CALB2: variants seen among roughly 807,000 people sequenced by gnomAD.
The protein encoded by CALB2 is calretinin.
In CALB2, 34 loss-of-function variants were observed where a neutral mutation model predicts 45.9. The ratio of observed to expected loss-of-function variants is 0.74; its 90% confidence interval spans 0.56 to 0.99. The LOEUF (loss-of-function observed/expected upper bound fraction) is 0.99. Among genes scored for constraint, CALB2 ranks in the 50% least tolerant of loss-of-function variants. The pLI is 0.00. For missense variants in CALB2, 344 were observed against 339.3 expected, an observed-to-expected ratio of 1.01 and a Z score of -0.11; for synonymous variants, 142 against 129.6, an observed-to-expected ratio of 1.10 and a Z score of -0.65.
At chr16:71,367,583 C>G (rs1055717640) in intron 1 of CALB2, among the ~76,000 whole-genome samples, 23 of 152,132 alleles carry the variant, frequency 1.5e-4, no homozygotes, top group Non-Finnish European at 2.9e-5. Context: ...CGCCACCTGC[C>G]GATCTCTCCT....
chr16:71,384,407 TTCCCTCA>T, intron 8 of CALB2, 29 bp downstream of exon 8: 1 of 1,572,356 alleles, frequency 6.4e-7, no homozygotes, highest in Non-Finnish European at 8.7e-7. Flanking sequence ...TCCTTCCCCC[TTCCCTCA>T]TCCCTCTGAG....
chr16:71,381,690 C>G (rs1016872937), intron 4 of CALB2, among the ~76,000 whole-genome samples: 5 of 151,484 alleles, frequency 3.3e-5, no homozygotes, highest in East Asian at 3.9e-4. Flanking sequence ...GGGGGAGAAG[C>G]GAAGAAAAGT....
chr16:71,387,464 T>A (rs1479240319), intron 10 of CALB2, among the ~76,000 whole-genome samples: 1 of 151,856 alleles, frequency 6.6e-6, no homozygotes, highest in Non-Finnish European at 1.5e-5. Context: ...GAAGGGCCTT[T>A]TTTTTTTTTT....
chr16:71,384,839 A>G lies in CALB2; in HGVS notation c.627+3A>G, dbSNP rs1406400539. On this transcript the variant is annotated splice_donor_region_variant and intron_variant, in intron 9 of 10. Transcript: ENST00000302628. Reference sequence around the variant, plus strand: ...CGATCTTCACATTTTACGACAAGGTAAGAGAGGGAGTTGGCATGGCAGGGA... The same window carrying G: ...CGATCTTCACATTTTACGACAAGGTGAGAGAGGGAGTTGGCATGGCAGGGA... 4 of 1,611,910 alleles carry G rather than the reference A, an allele frequency of 2.5e-6. No homozygotes were observed. In the South Asian group the frequency reaches 3.3e-5, roughly 13 times the overall value.
intron 6 of CALB2, 75 bp downstream of exon 6, chr16:71,383,519 G>C: frequency 7.4e-7 from 1 of 1,350,392 alleles, no homozygotes; most frequent in South Asian, 1.2e-5. Context: ...CTGGTGTGCA[G>C]GGTCCCTTGT....
At position 71,382,827 on chromosome 16, in the gene CALB2, G is replaced by A. The variant is rs749339191; in HGVS notation, c.399+52G>A. 5.3e-6 allele frequency: 8 copies of A among 1,520,252 alleles called. No homozygotes were observed. In the Admixed American group the frequency reaches 6.1e-5, roughly 12 times the overall value. 94.2% of individuals were successfully genotyped at this position (1,520,252 alleles called of 1,614,324 possible). A position where few individuals can be genotyped will look rare whatever the true frequency, so the allele number is the denominator to read the frequency against. On this transcript the variant is annotated intron_variant, in intron 5 of 10. Transcript: ENST00000302628. Reference sequence around the variant, plus strand: ...AGGCCAGAGTGGCGGTGGGCTTAAGGTGCCTGAGGAGGGAGGAGATGTTGG... The same window carrying A: ...AGGCCAGAGTGGCGGTGGGCTTAAGATGCCTGAGGAGGGAGGAGATGTTGG...
intron 4 of CALB2, among the ~76,000 whole-genome samples, chr16:71,379,343 A>C (rs2042458622): frequency 6.6e-6 from 1 of 152,116 alleles, no homozygotes; most frequent in Admixed American, 6.6e-5. Flanking sequence ...TTGGCAATAT[A>C]ATTTCCTTGA....
At chr16:71,370,097 A>G (rs2042330748) in intron 1 of CALB2, among the ~76,000 whole-genome samples, 1 of 152,218 alleles carries the variant, frequency 6.6e-6, no homozygotes, top group Admixed American at 6.5e-5. Context: ...CTGCGAGCCC[A>G]TTGCAATCAT....
intron 1 of CALB2, among the ~76,000 whole-genome samples, chr16:71,371,141 G>A (rs551524697): frequency 1.6e-4 from 25 of 152,248 alleles, no homozygotes; most frequent in Non-Finnish European, 3.5e-4. Flanking sequence ...AGATGAGATG[G>A]GTTCAATAAC....
intron 3 of CALB2, among the ~76,000 whole-genome samples, chr16:71,375,803 G>C (rs903219322): frequency 6.6e-6 from 1 of 152,250 alleles, no homozygotes; most frequent in Admixed American, 6.5e-5. Flanking sequence ...CTGTGCCACA[G>C]AGTGGGTCCC....
chr16:71,387,878 T>C (rs944611535), intron 10 of CALB2, among the ~76,000 whole-genome samples: 2 of 152,096 alleles, frequency 1.3e-5, no homozygotes, highest in South Asian at 2.1e-4. Context: ...GCTTGCAAAG[T>C]GCCCTTGGGT....
At chr16:71,361,035 GC>G (rs2042233542) in intron 1 of CALB2, among the ~76,000 whole-genome samples, 1 of 152,148 alleles carries the variant, frequency 6.6e-6, no homozygotes, top group Admixed American at 6.5e-5. Flanking sequence ...GGGGTCCTTG[GC>G]TTGGCTAGAG....
intron 3 of CALB2, among the ~76,000 whole-genome samples, chr16:71,375,342 A>G (rs2042398173): frequency 1.3e-5 from 2 of 152,174 alleles, no homozygotes; most frequent in Admixed American, 1.3e-4. Context: ...ACATACACAC[A>G]TACACTCACA....
chr16:71,363,890 C>T (rs1245317908), intron 1 of CALB2, among the ~76,000 whole-genome samples: 1 of 152,152 alleles, frequency 6.6e-6, no homozygotes, highest in Non-Finnish European at 1.5e-5. Flanking sequence ...GTCAGAGGAG[C>T]GCTTTCTCTG....
At position 71,374,781 on chromosome 16, in the gene CALB2, G is replaced by A. The variant is rs759366481; in HGVS notation, c.208G>A (p.Glu70Lys). 1.2e-6 allele frequency: 2 copies of A among 1,613,580 alleles called. No individual in the cohort carries two copies. Among genetic ancestry groups the A allele is most frequent in the African/African-American group, 2.7e-5 (2 of 74,916 alleles). Residue 70 changes from glutamate to lysine, a missense_variant, in exon 3 of 11, where the codon GAG becomes AAG. This residue lies in a region of CALB2 where 4 missense variants were observed against 17.1 expected (regional missense o/e 0.23). Coordinates refer to ENST00000302628, the MANE Select transcript of CALB2 (RefSeq NM_001740.5). ...TGACAACTTTGGAGAAAAGATGAAG[G>A]AGTTCATGCAGAAGTATGATAAAAA... is the stretch of plus-strand genomic sequence containing the variant. ...KSDNFGEKMK[E>K]FMQKYDKNSD...
chr16:71,372,082 C>A, intron 1 of CALB2, 71 bp from the exon 2 acceptor site: 9 of 1,073,440 alleles, frequency 8.4e-6, no homozygotes, highest in Non-Finnish European at 1.3e-5. Flanking sequence ...CCACGAAGCC[C>A]CCGACATGCC....
At chr16:71,375,144 G>A (rs1293486241) in intron 3 of CALB2, among the ~76,000 whole-genome samples, 1 of 152,210 alleles carries the variant, frequency 6.6e-6, no homozygotes, top group African/African-American at 2.4e-5. Context: ...CAGGTGAACA[G>A]GAGACTCTAT....
At chr16:71,372,110 A>G in intron 1 of CALB2, 43 bp from the exon 2 acceptor site, 1 of 1,169,618 alleles carries the variant, frequency 8.5e-7, no homozygotes, top group East Asian at 2.8e-5. Flanking sequence ...TGCCCCCCTT[A>G]CTATTTAGTG....
intron 7 of CALB2, 61 bp from the exon 8 acceptor site, chr16:71,384,278 C>T: frequency 7.1e-7 from 1 of 1,400,214 alleles, no homozygotes; most frequent in Non-Finnish European, 1.0e-6. Context: ...CTGCCTTCCC[C>T]TCTCCCGCTT....
Sources: gnomAD v4.1 joint callset for allele counts (sites outside exome capture counted in the v4.1 genomes callset) on GRCh38, gnomAD v4.1.1 for gene constraint, gnomAD v4.1.1 regional missense constraint, MANE v1.5 for transcripts, NCBI Gene and HGNC (gene_info 2026-07-23, HGNC 2026-07-21) for gene names.